The following ZNF407 variants were observed in gnomAD, a reference collection of about 807,000 sequenced individuals.
ZNF407 encodes zinc finger protein 407.
ZNF407 carries 17 observed loss-of-function variants against 131.2 expected under a neutral mutation model. The observed-to-expected ratio is 0.13, with a 90% confidence interval of 0.09 to 0.19. The LOEUF is 0.19. Among genes scored for constraint, ZNF407 ranks in the 10% least tolerant of loss-of-function variants. ZNF407 has a pLI of 1.00. For missense variants in ZNF407, 2,681 were observed against 2,830.6 expected, an observed-to-expected ratio of 0.95 and a Z score of 1.20; for synonymous variants, 1,156 against 1,062.0, an observed-to-expected ratio of 1.09 and a Z score of -1.72.
At chr18:74,975,746 A>G (rs911500669) in intron 8 of ZNF407, among the ~76,000 whole-genome samples, 1 of 152,184 alleles carries the variant, frequency 6.6e-6, no homozygotes, top group African/African-American at 2.4e-5. Flanking sequence ...TCAACCTGCA[A>G]AAGGGGGTCT....
chr18:74,762,037 GTCTC>G (rs923036552), intron 3 of ZNF407, among the ~76,000 whole-genome samples: 6 of 151,594 alleles, frequency 4.0e-5, no homozygotes, highest in Non-Finnish European at 7.4e-5. Context: ...TAGTCAGTCA[GTCTC>G]TCTCTCTCTC....
intron 3 of ZNF407, among the ~76,000 whole-genome samples, chr18:74,772,555 A>G (rs1344662024): frequency 1.3e-5 from 2 of 152,186 alleles, no homozygotes; most frequent in African/African-American, 4.8e-5. Flanking sequence ...TGCCAATGCT[A>G]TTGAACTTTT....
At chr18:74,789,532 C>G (rs1243696950) in intron 4 of ZNF407, among the ~76,000 whole-genome samples, 1 of 152,146 alleles carries the variant, frequency 6.6e-6, no homozygotes, top group Non-Finnish European at 1.5e-5. Flanking sequence ...TCCAGCTGAA[C>G]AGGCTGTGGC....
intron 3 of ZNF407, among the ~76,000 whole-genome samples, chr18:74,769,628 T>C (rs1969319585): frequency 6.6e-6 from 1 of 152,238 alleles, no homozygotes; most frequent in Non-Finnish European, 1.5e-5. Flanking sequence ...CAGACATTAA[T>C]GATCTCATTT....
chr18:75,050,011 C>T (rs886915988), intron 8 of ZNF407, among the ~76,000 whole-genome samples: 4 of 152,018 alleles, frequency 2.6e-5, no homozygotes, highest in Admixed American at 1.3e-4. Context: ...TTTTTACTAC[C>T]GACTGCAGGA....
At chr18:74,782,252 T>C (rs549912801) in intron 4 of ZNF407, among the ~76,000 whole-genome samples, 1 of 152,328 alleles carries the variant, frequency 6.6e-6, no homozygotes, top group South Asian at 2.1e-4. Context: ...ACAGATACTC[T>C]CAGAAACTTT....
intron 3 of ZNF407, among the ~76,000 whole-genome samples, chr18:74,661,608 A>T (rs1461402579): frequency 6.6e-6 from 1 of 151,950 alleles, no homozygotes; most frequent in African/African-American, 2.4e-5. Flanking sequence ...TCAAAAGCAC[A>T]TTTTTTTAGG....
At chr18:74,817,490 G>A (rs1970283071) in intron 4 of ZNF407, among the ~76,000 whole-genome samples, 1 of 152,094 alleles carries the variant, frequency 6.6e-6, no homozygotes, top group South Asian at 2.1e-4. Context: ...AGAAAAATAT[G>A]TGTGATAATT....
chr18:74,781,422 T>G lies in ZNF407; in HGVS notation c.4803-6T>G. 6.5e-7 allele frequency: 1 copy of G among 1,534,276 alleles called. No homozygotes were observed. Among genetic ancestry groups the G allele is most frequent in the African/African-American group, 1.4e-5 (1 of 72,226 alleles). ...AGTTTTATAATTACTTTTGTTTATT[T>G]TTTAGGGTTGCTTTTGTAATGAAGA... On this transcript the variant is annotated splice_polypyrimidine_tract_variant and splice_region_variant and intron_variant, in intron 3 of 8. Coordinates refer to ENST00000299687, the MANE Select transcript of ZNF407 (RefSeq NM_017757.3).
At chr18:74,895,754 A>G (rs1273960575) in intron 7 of ZNF407, among the ~76,000 whole-genome samples, 7 of 152,316 alleles carry the variant, frequency 4.6e-5, no homozygotes, top group Non-Finnish European at 4.4e-5. Flanking sequence ...GCCTTCTTAG[A>G]TACTGTGGCA....
intron 3 of ZNF407, among the ~76,000 whole-genome samples, chr18:74,754,935 G>A (rs1430454805): frequency 6.6e-6 from 1 of 152,162 alleles, no homozygotes; most frequent in African/African-American, 2.4e-5. Flanking sequence ...TCTGTCTAAT[G>A]TTGACAGTGG....
intron 8 of ZNF407, among the ~76,000 whole-genome samples, chr18:74,929,589 T>G (rs1466876574): frequency 6.6e-6 from 1 of 152,118 alleles, no homozygotes; most frequent in Non-Finnish European, 1.5e-5. Context: ...TTTTAAAAAT[T>G]TGCACACCCT....
chr18:75,007,533 T>C (rs965918996), intron 8 of ZNF407, among the ~76,000 whole-genome samples: 6 of 152,200 alleles, frequency 3.9e-5, no homozygotes, highest in Non-Finnish European at 8.8e-5. Context: ...TTTCCTAATA[T>C]TTGAAAATGA....
intron 3 of ZNF407, among the ~76,000 whole-genome samples, chr18:74,681,303 A>C (rs1386335587): frequency 2.0e-5 from 3 of 151,958 alleles, no homozygotes; most frequent in African/African-American, 7.3e-5. Flanking sequence ...TGGTGTGATC[A>C]TAGCTCACTG....
intron 4 of ZNF407, among the ~76,000 whole-genome samples, chr18:74,798,364 A>C (rs1343425121): frequency 6.6e-6 from 1 of 152,126 alleles, no homozygotes; most frequent in Non-Finnish European, 1.5e-5. Context: ...AAATTGAGAA[A>C]CAGTGAAAAA....
chr18:74,694,544 G>T (rs1967307209), intron 3 of ZNF407, among the ~76,000 whole-genome samples: 1 of 150,934 alleles, frequency 6.6e-6, no homozygotes, highest in Non-Finnish European at 1.5e-5. Context: ...GGAGCTGTTT[G>T]TTTGGGCAGC....
At chr18:74,782,120 G>C (rs1478458836) in intron 4 of ZNF407, among the ~76,000 whole-genome samples, 2 of 152,122 alleles carry the variant, frequency 1.3e-5, no homozygotes, top group East Asian at 3.8e-4. Context: ...GGCTACTTCT[G>C]ATATTTTAAA....
chr18:75,049,021 G>A (rs749152410), intron 8 of ZNF407, among the ~76,000 whole-genome samples: 2 of 140,560 alleles, frequency 1.4e-5, no homozygotes, highest in South Asian at 2.4e-4. Context: ...CTCCTTGACA[G>A]GAAATCTGAG....
chr18:74,849,592 A>G (rs1848864496), intron 4 of ZNF407, among the ~76,000 whole-genome samples: 1 of 152,296 alleles, frequency 6.6e-6, no homozygotes, highest in African/African-American at 2.4e-5. Context: ...TGAGCAAAGC[A>G]AAACAGTAGC....
Sources: gnomAD v4.1 joint callset for allele counts (sites outside exome capture counted in the v4.1 genomes callset) on GRCh38, gnomAD v4.1.1 for gene constraint, MANE v1.5 for transcripts, NCBI Gene and HGNC (gene_info 2026-07-23, HGNC 2026-07-21) for gene names.